GAB1: variants seen among roughly 807,000 people sequenced by gnomAD.
GAB1 encodes GRB2 associated binding protein 1.
Under a neutral mutation model 66.5 loss-of-function variants are expected in GAB1, and 19 were observed. The ratio of observed to expected loss-of-function variants is 0.29; its 90% CI spans 0.20 to 0.42. GAB1 has a LOEUF of 0.42. Among genes scored for constraint, GAB1 ranks in the 10% least tolerant of loss-of-function variants. GAB1 has a pLI of 1.00. For synonymous variants in GAB1, 294 were observed against 301.4 expected (o/e 0.98, Z 0.25); for missense variants, 732 against 858.5 (o/e 0.85, Z 1.84).
intron 2 of GAB1, among the ~76,000 whole-genome samples, chr4:143,432,749 A>T (rs1733724090): frequency 6.6e-6 from 1 of 152,126 alleles, no homozygotes; most frequent in South Asian, 2.1e-4. Context: ...TTATTCTAGA[A>T]TTTCACATGG....
intron 2 of GAB1, among the ~76,000 whole-genome samples, chr4:143,416,457 T>C (rs557609243): frequency 7.3e-5 from 11 of 151,472 alleles, no homozygotes; most frequent in African/African-American, 2.7e-4. Context: ...AGGTGCTATT[T>C]AAAAATATAT....
At chr4:143,397,601 A>T (rs1731514987) in intron 1 of GAB1, among the ~76,000 whole-genome samples, 1 of 152,212 alleles carries the variant, frequency 6.6e-6, no homozygotes, top group Admixed American at 6.5e-5. Context: ...CTTAGTGGTG[A>T]TGTCATTACC....
At chr4:143,410,407 G>T (rs893346848) in intron 1 of GAB1, among the ~76,000 whole-genome samples, 14 of 152,202 alleles carry the variant, frequency 9.2e-5, no homozygotes, top group African/African-American at 3.4e-4. Context: ...TTGTGAATTT[G>T]TTAGTAATAT....
At chr4:143,445,222 C>T (rs1239523884) in intron 6 of GAB1, among the ~76,000 whole-genome samples, 1 of 152,144 alleles carries the variant, frequency 6.6e-6, no homozygotes, top group African/African-American at 2.4e-5. Context: ...AGTATATAAG[C>T]ATTCCCTTTT....
chr4:143,376,762 G>T (rs1005143591), intron 1 of GAB1: 3 of 152,288 alleles, frequency 2.0e-5, no homozygotes, highest in Admixed American at 1.3e-4. Flanking sequence ...AGAGAATTTG[G>T]TTCTCACACT....
chr4:143,415,623 A>G lies in GAB1; in HGVS notation c.219A>G (p.Thr73=). The change falls in exon 2 of 10, where the codon ACA becomes ACG. Residue 73 remains threonine (T), a synonymous_variant. Transcript: ENST00000262994. ...NLCQQVDAGL[T]FNKKEFENSY... is the part of the protein sequence containing the mutation. Reference sequence around the variant, plus strand: ...GTCAACAAGTAGATGCTGGATTGACATTTAACAAAAAAGAGTTTGAAAACA... The same window carrying G: ...GTCAACAAGTAGATGCTGGATTGACGTTTAACAAAAAAGAGTTTGAAAACA... 1.9e-6 allele frequency: 3 copies of G among 1,614,112 alleles called. No homozygotes were observed. Among genetic ancestry groups the G allele is most frequent in the Non-Finnish European group, 2.5e-6 (3 of 1,179,948 alleles).
chr4:143,440,037 C>A, intron 5 of GAB1, 42 bp from the exon 6 acceptor site: 1 of 1,551,364 alleles, frequency 6.4e-7, no homozygotes, highest in East Asian at 2.3e-5. Flanking sequence ...TCATGTGTGA[C>A]AAGAGTTTTT....
intron 1 of GAB1, among the ~76,000 whole-genome samples, chr4:143,407,008 T>C: frequency 6.6e-6 from 1 of 152,174 alleles, no homozygotes; most frequent in East Asian, 1.9e-4. Context: ...ATTTACCTAA[T>C]TGGGGTCCAA....
At chr4:143,415,426 AAAACATT>A in intron 1 of GAB1, 44 bp from the exon 2 acceptor site, 1 of 1,378,756 alleles carries the variant, frequency 7.3e-7, no homozygotes, top group Non-Finnish European at 9.9e-7. Flanking sequence ...CATCTTCTTG[AAAACATT>A]ATCTCAAGTT....
chr4:143,337,151 C>T lies in GAB1; in HGVS notation c.-38C>T, dbSNP rs1560706613. On this transcript the variant is annotated 5_prime_UTR_variant, in exon 1 of 10. Transcript: ENST00000262994. Reference sequence around the variant, plus strand: ...CTGTGTCGGGAGCGCGCCCGCCGCCCCTCAGCTGCCCGGCCCGGAGCCCGA... The same window carrying T: ...CTGTGTCGGGAGCGCGCCCGCCGCCTCTCAGCTGCCCGGCCCGGAGCCCGA... 1.3e-6 allele frequency: 2 copies of T among 1,547,292 alleles called. No homozygotes were observed. Among genetic ancestry groups the T allele is most frequent in the Non-Finnish European group, 1.7e-6 (2 of 1,143,146 alleles).
intron 1 of GAB1, among the ~76,000 whole-genome samples, chr4:143,347,759 T>C (rs1202293313): frequency 2.0e-5 from 3 of 152,260 alleles, no homozygotes; most frequent in African/African-American, 7.2e-5. Flanking sequence ...TTAATTCAGG[T>C]ACTCTGTGAA....
At chr4:143,360,182 C>CT (rs932069524) in intron 1 of GAB1, among the ~76,000 whole-genome samples, 4 of 152,146 alleles carry the variant, frequency 2.6e-5, no homozygotes, top group Non-Finnish European at 2.9e-5. Context: ...ATTCACCACT[C>CT]TGTGTCCTAC....
chr4:143,403,338 T>C (rs949202951), intron 1 of GAB1, among the ~76,000 whole-genome samples: 9 of 152,224 alleles, frequency 5.9e-5, no homozygotes, highest in Non-Finnish European at 1.3e-4. Context: ...ACAGCCGCTG[T>C]TATTTTCAGT....
intron 3 of GAB1, among the ~76,000 whole-genome samples, chr4:143,435,200 T>C (rs1375503303): frequency 6.6e-6 from 1 of 152,210 alleles, no homozygotes; most frequent in Non-Finnish European, 1.5e-5. Flanking sequence ...CTGTGAACCA[T>C]GCCCTGAGAT....
At chr4:143,390,261 A>T (rs1731118672) in intron 1 of GAB1, among the ~76,000 whole-genome samples, 2 of 152,172 alleles carry the variant, frequency 1.3e-5, no homozygotes. Flanking sequence ...TTCAGCTAAT[A>T]ATAAGATTAA....
chr4:143,348,660 C>CCATA (rs1729066444), intron 1 of GAB1, among the ~76,000 whole-genome samples: 1 of 152,258 alleles, frequency 6.6e-6, no homozygotes. Flanking sequence ...AAATACCAAT[C>CCATA]TGATAATGCC....
intron 1 of GAB1, among the ~76,000 whole-genome samples, chr4:143,361,609 C>G (rs1264765111): frequency 1.3e-5 from 2 of 152,202 alleles, no homozygotes; most frequent in Non-Finnish European, 2.9e-5. Context: ...TGATGCTGAA[C>G]TGATCTGGGG....
intron 1 of GAB1, among the ~76,000 whole-genome samples, chr4:143,392,187 G>A (rs1290280965): frequency 6.6e-6 from 1 of 152,100 alleles, no homozygotes; most frequent in Non-Finnish European, 1.5e-5. Flanking sequence ...TAAACAGATG[G>A]TCCCAAGTTA....
chr4:143,383,656 CTTTT>C (rs70953731), intron 1 of GAB1, among the ~76,000 whole-genome samples: 4,405 of 152,142 alleles, frequency 0.029, 73 homozygotes, highest in South Asian at 0.058. Flanking sequence ...TTGAAACTGG[CTTTT>C]TTAACATAAC....
Sources: gnomAD v4.1 joint callset for allele counts (sites outside exome capture counted in the v4.1 genomes callset) on GRCh38, gnomAD v4.1.1 for gene constraint, MANE v1.5 for transcripts, NCBI Gene and HGNC (gene_info 2026-07-23, HGNC 2026-07-21) for gene names.